The following PTPRT variants were observed in gnomAD, a reference collection of about 807,000 sequenced individuals.
The protein encoded by PTPRT is receptor-type tyrosine-protein phosphatase T.
Under a neutral mutation model 176.8 loss-of-function variants are expected in PTPRT, and 56 were observed. The observed-to-expected ratio is 0.32, with a 90% CI of 0.26 to 0.40. PTPRT has a LOEUF of 0.40. PTPRT is among the 10% of genes least tolerant of loss of function. The pLI, the probability that PTPRT is intolerant of heterozygous loss-of-function variation, is 1.00. For missense variants in PTPRT, 1,540 were observed against 1,908.2 expected, an observed-to-expected ratio of 0.81 and a Z score of 3.60; for synonymous variants, 783 against 739.0, an observed-to-expected ratio of 1.06 and a Z score of -0.96.
chr20:42,395,979 C>T (rs1206433812), intron 9 of PTPRT, among the ~76,000 whole-genome samples: 2 of 152,150 alleles, frequency 1.3e-5, no homozygotes, highest in Non-Finnish European at 2.9e-5. Context: ...GTCTGCAAAG[C>T]TCGTGCATAG....
chr20:42,685,077 C>T lies in PTPRT; in HGVS notation c.860-6918G>A, dbSNP rs147732734. Among the ~76,000 whole-genome samples the T allele has an allele frequency of 3.3e-5, 5 of 152,222 alleles. No homozygotes were observed. The East Asian group carries it at 9.7e-4, about 29-fold the overall frequency. ...CAAGGCAACATGCCCGGGGTCTGCA[C>T]TCCTAACCATTATGATAAAGACAAT... On this transcript the variant is annotated intron_variant, in intron 6 of 30. Transcript: ENST00000373187.
intron 16 of PTPRT, among the ~76,000 whole-genome samples, chr20:42,188,129 C>G (rs1437452913): frequency 6.6e-6 from 1 of 152,214 alleles, no homozygotes; most frequent in Non-Finnish European, 1.5e-5. Context: ...GTAAATGTCC[C>G]CCTCTTCTGC....
intron 9 of PTPRT, among the ~76,000 whole-genome samples, chr20:42,387,500 G>T (rs2058755702): frequency 1.3e-5 from 2 of 152,190 alleles, no homozygotes; most frequent in African/African-American, 2.4e-5. Flanking sequence ...GGGTAACCAT[G>T]GTCTTTTTGT....
At chr20:42,112,046 G>T (rs1292594737) in intron 22 of PTPRT, among the ~76,000 whole-genome samples, 1 of 152,156 alleles carries the variant, frequency 6.6e-6, no homozygotes. Flanking sequence ...ATCCCAGAAG[G>T]CCTTGAATCT....
At chr20:42,866,021 G>T (rs1385793688) in intron 2 of PTPRT, among the ~76,000 whole-genome samples, 1 of 152,150 alleles carries the variant, frequency 6.6e-6, no homozygotes, top group East Asian at 1.9e-4. Flanking sequence ...ACACCCAGTG[G>T]TTCTCAAGAT....
At chr20:42,473,634 C>G (rs761939617) in intron 7 of PTPRT, among the ~76,000 whole-genome samples, 91 of 152,054 alleles carry the variant, frequency 6.0e-4, no homozygotes, top group Non-Finnish European at 1.1e-3. Flanking sequence ...CCATGCTTGG[C>G]TAATTTTTTA....
chr20:42,610,532 A>C (rs1482854542), intron 7 of PTPRT, among the ~76,000 whole-genome samples: 2 of 151,896 alleles, frequency 1.3e-5, no homozygotes, highest in Admixed American at 1.3e-4. Flanking sequence ...AAATATGTAG[A>C]TTTGAACTTG....
intron 13 of PTPRT, among the ~76,000 whole-genome samples, chr20:42,263,371 C>CT (rs11477690): frequency 0.033 from 1,691 of 50,978 alleles, 447 homozygotes; most frequent in African/African-American, 0.068. Context: ...CCATGCCTGG[C>CT]TTTTTTTTTT....
intron 13 of PTPRT, among the ~76,000 whole-genome samples, chr20:42,261,894 G>T (rs1173921750): frequency 6.6e-6 from 1 of 152,182 alleles, no homozygotes; most frequent in Non-Finnish European, 1.5e-5. Flanking sequence ...TCCAGATTAT[G>T]CATCTGCAAC....
At chr20:42,050,111 C>T in the PTPRT span, among the ~76,000 whole-genome samples, 3 of 152,242 alleles carry the variant, frequency 2.0e-5, no homozygotes, top group South Asian at 4.1e-4. Flanking sequence ...CTTCTTCTCA[C>T]TACCAATTTG....
chr20:42,256,160 T>C (rs1054247704), intron 13 of PTPRT, among the ~76,000 whole-genome samples: 3 of 152,140 alleles, frequency 2.0e-5, no homozygotes, highest in African/African-American at 7.2e-5. Context: ...GAGGAGATAA[T>C]AGGGAAAAGA....
At chr20:42,895,294 T>C (rs991800207) in intron 1 of PTPRT, among the ~76,000 whole-genome samples, 6 of 152,134 alleles carry the variant, frequency 3.9e-5, no homozygotes, top group South Asian at 2.1e-4. Context: ...TCTCACTGTG[T>C]CCTCACACAG....
chr20:42,425,175 A>ATCTTCTAGATGTCC, intron 9 of PTPRT, among the ~76,000 whole-genome samples: 1 of 152,108 alleles, frequency 6.6e-6, no homozygotes. Context: ...ATTGATGAAC[A>ATCTTCTAGATGTCC]AGACAAAATC....
intron 7 of PTPRT, among the ~76,000 whole-genome samples, chr20:42,657,007 T>G (rs1026594409): frequency 9.2e-5 from 14 of 152,148 alleles, no homozygotes; most frequent in Non-Finnish European, 1.8e-4. Flanking sequence ...AATCCCCATG[T>G]GTCGAGGGTG....
intron 13 of PTPRT, among the ~76,000 whole-genome samples, chr20:42,252,796 A>G (rs970387671): frequency 2.0e-5 from 3 of 152,254 alleles, no homozygotes; most frequent in Non-Finnish European, 4.4e-5. Context: ...AGGCTGTCTG[A>G]AAGTCCAGAG....
chr20:42,252,194 G>A (rs907380155), intron 13 of PTPRT, among the ~76,000 whole-genome samples: 7 of 152,164 alleles, frequency 4.6e-5, no homozygotes, highest in African/African-American at 1.2e-4. Flanking sequence ...TAATGTTTAC[G>A]GGTTCCAGAC....
rs115869791 is a variant in PTPRT, at chr20:42,316,256, C to T, written c.1866-260G>A. Among the ~76,000 whole-genome samples the T allele has an allele frequency of 1.8e-3, 267 of 152,284 alleles. 4 individuals are homozygous for T. Among genetic ancestry groups the T allele is most frequent in the African/African-American group, 6.3e-3 (262 of 41,572 alleles). ...ACCCCTACAAACCTGTCTGCTCCTC[C>T]TTCTACATTTCCTTTCTTAGTAAAT... On this transcript the variant is annotated intron_variant, in intron 11 of 30. Transcript: ENST00000373187.
intron 2 of PTPRT, among the ~76,000 whole-genome samples, chr20:42,839,511 A>T (rs2145720907): frequency 6.6e-6 from 1 of 152,320 alleles, no homozygotes; most frequent in Admixed American, 6.5e-5. Context: ...CCAGGGTTTT[A>T]TTTAAGGGCA....
chr20:42,182,907 G>GGTGTGTGTGTGT lies in PTPRT; in HGVS notation c.2491+16321_2491+16332dup, dbSNP rs10608197. Among the ~76,000 whole-genome samples the GGTGTGTGTGTGT allele has an allele frequency of 9.1e-3, 1,318 of 144,694 alleles. 17 individuals are homozygous for GGTGTGTGTGTGT. The highest frequency in any genetic ancestry group is 0.014 in the Non-Finnish European group (906 of 66,298). 94.9% of individuals were successfully genotyped at this position (144,694 alleles called of 152,430 possible). A position where few individuals can be genotyped will look rare whatever the true frequency, so the allele number is the denominator to read the frequency against. Reference sequence around the variant, plus strand: ...AGTGACTGTTAATCCTACAAGCAGGGGTGTGTGTGTGTGTGTGTGTGTGTG... The same window carrying GGTGTGTGTGTGT: ...AGTGACTGTTAATCCTACAAGCAGGGGTGTGTGTGTGTGTGTGTGTGTGTGTGTGTGTGTGTG... On this transcript the variant is annotated intron_variant, in intron 16 of 30. Coordinates refer to ENST00000373187, the MANE Select transcript of PTPRT (RefSeq NM_007050.6).
Sources: gnomAD v4.1 joint callset for allele counts (sites outside exome capture counted in the v4.1 genomes callset) on GRCh38, gnomAD v4.1.1 for gene constraint, MANE v1.5 for transcripts, NCBI Gene and HGNC (gene_info 2026-07-23, HGNC 2026-07-21) for gene names.